Variants in FSTL4 observed in about 807,000 individuals in gnomAD.
FSTL4 encodes follistatin-related protein 4.
FSTL4 carries 28 observed loss-of-function variants against 78.2 expected under a neutral mutation model. The observed-to-expected ratio is 0.36, with a 90% CI of 0.27 to 0.49. The LOEUF (loss-of-function observed/expected upper bound fraction) is 0.49. FSTL4 is among the 20% of genes least tolerant of loss of function. FSTL4 has a pLI of 0.98. For synonymous variants in FSTL4, 422 were observed against 440.5 expected, an observed-to-expected ratio of 0.96 and a Z score of 0.53; for missense variants, 922 against 1,084.9, an observed-to-expected ratio of 0.85 and a Z score of 2.11.
intron 4 of FSTL4, among the ~76,000 whole-genome samples, chr5:133,386,604 A>AG (rs967389123): frequency 1.6e-4 from 25 of 152,318 alleles, no homozygotes; most frequent in African/African-American, 5.5e-4. Context: ...TAATATGGAA[A>AG]GTTTGTTCCT....
chr5:133,288,872 C>A (rs1753194697), intron 6 of FSTL4, among the ~76,000 whole-genome samples: 1 of 144,536 alleles, frequency 6.9e-6, no homozygotes, highest in Non-Finnish European at 1.5e-5. Flanking sequence ...AGAATTATTC[C>A]TCGGTTACAG....
chr5:133,294,517 C>T (rs12186848), intron 6 of FSTL4, among the ~76,000 whole-genome samples: 101,458 of 152,078 alleles, frequency 0.67, 34,267 homozygotes, highest in Non-Finnish European at 0.73. Context: ...ATGCCCCACC[C>T]CATTTCCTGT....
At chr5:133,443,021 A>G (rs1757192136) in intron 3 of FSTL4, among the ~76,000 whole-genome samples, 1 of 152,228 alleles carries the variant, frequency 6.6e-6, no homozygotes, top group African/African-American at 2.4e-5. Flanking sequence ...TTATCAGAAA[A>G]TTGTTACCTC....
intron 2 of FSTL4, among the ~76,000 whole-genome samples, chr5:133,570,786 A>ATGAGAGAAAAGTCCATT (rs1409474705): frequency 6.6e-6 from 1 of 152,240 alleles, no homozygotes; most frequent in Non-Finnish European, 1.5e-5. Flanking sequence ...AAGGAAAGTT[A>ATGAGAGAAAAGTCCATT]TGAGAGAAAA....
At chr5:133,307,425 A>G (rs1753680252) in intron 6 of FSTL4, among the ~76,000 whole-genome samples, 1 of 152,220 alleles carries the variant, frequency 6.6e-6, no homozygotes, top group Admixed American at 6.6e-5. Flanking sequence ...CACGCCCACT[A>G]AATCCTGACT....
At chr5:133,662,667 C>T in the FSTL4 span, among the ~76,000 whole-genome samples, 5 of 152,284 alleles carry the variant, frequency 3.3e-5, no homozygotes, top group African/African-American at 4.8e-5. Flanking sequence ...TAGAAGAGGA[C>T]GGCAGAGAGT....
intron 4 of FSTL4, among the ~76,000 whole-genome samples, chr5:133,325,117 T>C (rs1487812154): frequency 6.6e-6 from 1 of 152,194 alleles, no homozygotes; most frequent in Non-Finnish European, 1.5e-5. Flanking sequence ...GTCTTGGCAT[T>C]GCTGGTCAGG....
At chr5:133,218,519 C>G (rs1358437023) in intron 12 of FSTL4, among the ~76,000 whole-genome samples, 1 of 152,140 alleles carries the variant, frequency 6.6e-6, no homozygotes, top group African/African-American at 2.4e-5. Context: ...AATAAAATCC[C>G]AAGTCTTTCC....
intron 8 of FSTL4, among the ~76,000 whole-genome samples, chr5:133,230,962 G>GC (rs1282657066): frequency 6.6e-6 from 1 of 152,072 alleles, no homozygotes; most frequent in African/African-American, 2.4e-5. Context: ...TTCAGGGGCG[G>GC]CCCCTTCTCT....
intron 7 of FSTL4, among the ~76,000 whole-genome samples, chr5:133,245,036 C>T (rs1751993965): frequency 6.6e-6 from 1 of 150,564 alleles, no homozygotes; most frequent in Non-Finnish European, 1.5e-5. Flanking sequence ...GGGAGGATCG[C>T]TTGAGCTCTG....
chr5:133,211,548 T>TC (rs149053424), intron 13 of FSTL4, among the ~76,000 whole-genome samples: 2,549 of 152,304 alleles, frequency 0.017, 30 homozygotes, highest in Middle Eastern at 0.027. Context: ...AACTGCATCA[T>TC]CTCTGCCTCC....
At chr5:133,595,295 A>G (rs889168880) in intron 2 of FSTL4, among the ~76,000 whole-genome samples, 3 of 152,226 alleles carry the variant, frequency 2.0e-5, no homozygotes, top group Non-Finnish European at 4.4e-5. Context: ...ATGGGATTCT[A>G]TCAGATGTGG....
intron 3 of FSTL4, among the ~76,000 whole-genome samples, chr5:133,422,463 T>C (rs1014176122): frequency 6.7e-6 from 1 of 149,862 alleles, no homozygotes. Flanking sequence ...GGAGGCGGGG[T>C]AAGAAGGACT....
chr5:133,321,536 C>G (rs1316777721), intron 4 of FSTL4, among the ~76,000 whole-genome samples: 1 of 152,182 alleles, frequency 6.6e-6, no homozygotes, highest in Non-Finnish European at 1.5e-5. Flanking sequence ...GGGTGATGGT[C>G]AAGATGATGT....
chr5:133,710,772 G>A, the FSTL4 span, among the ~76,000 whole-genome samples: 23 of 152,220 alleles, frequency 1.5e-4, no homozygotes, highest in Admixed American at 1.2e-3. Context: ...AATATTTGAA[G>A]ACAGTTTCAG....
intron 3 of FSTL4, among the ~76,000 whole-genome samples, chr5:133,559,116 T>C (rs1209318708): frequency 2.0e-5 from 3 of 152,238 alleles, no homozygotes; most frequent in South Asian, 2.1e-4. Flanking sequence ...TAATGGTCAG[T>C]TGCATCCTGT....
At chr5:133,474,858 G>A (rs967726579) in intron 3 of FSTL4, among the ~76,000 whole-genome samples, 5 of 152,206 alleles carry the variant, frequency 3.3e-5, no homozygotes, top group South Asian at 4.1e-4. Flanking sequence ...AACGAGGCCC[G>A]TAATTTTAAT....
the FSTL4 span, among the ~76,000 whole-genome samples, chr5:133,840,222 C>T: frequency 6.6e-6 from 1 of 152,206 alleles, no homozygotes; most frequent in African/African-American, 2.4e-5. Context: ...TCGACTCTTC[C>T]TCAGTGTTGT....
At chr5:133,218,622 T>A (rs1023080042) in intron 12 of FSTL4, among the ~76,000 whole-genome samples, 1 of 152,190 alleles carries the variant, frequency 6.6e-6, no homozygotes, top group African/African-American at 2.4e-5. Flanking sequence ...ATCACGCCGC[T>A]CTCCTGCACC....
Sources: allele counts gnomAD v4.1 joint callset (sites outside exome capture counted in the v4.1 genomes callset), GRCh38; gene constraint gnomAD v4.1.1; transcripts MANE v1.5; gene names NCBI Gene and HGNC (gene_info 2026-07-23, HGNC 2026-07-21).